Variants in ESR1 observed in about 807,000 individuals in gnomAD.
ESR1 encodes estrogen receptor 1, also known as estrogen receptor.
A neutral mutation model predicts 52.7 loss-of-function variants in ESR1; 12 were observed. That is an observed-to-expected ratio of 0.23 (90% confidence interval 0.15 to 0.37). ESR1 has a LOEUF of 0.37. Ranked by LOEUF, ESR1 falls within the 10% of genes least tolerant of loss-of-function variation. The pLI is 1.00. For synonymous variants in ESR1, 305 were observed against 316.8 expected (o/e 0.96, Z 0.39); for missense variants, 584 against 779.7 (o/e 0.75, Z 2.99).
intron 6 of ESR1, among the ~76,000 whole-genome samples, chr6:152,078,182 G>A (rs1030041682): frequency 2.1e-4 from 32 of 152,148 alleles, no homozygotes; most frequent in African/African-American, 6.5e-4. Context: ...TAAGTCTCAC[G>A]AGATCTCATG....
At chr6:151,767,707 A>G (rs1433892584) in intron 2 of ESR1, among the ~76,000 whole-genome samples, 1 of 152,228 alleles carries the variant, frequency 6.6e-6, no homozygotes, top group East Asian at 1.9e-4. Context: ...AATTCCAGTT[A>G]AAAGAAAGAT....
intron 6 of ESR1, among the ~76,000 whole-genome samples, chr6:152,087,044 G>A (rs1055288154): frequency 6.6e-6 from 1 of 152,204 alleles, no homozygotes; most frequent in African/African-American, 2.4e-5. Flanking sequence ...GAAGTCTTCA[G>A]TAATGTTGAG....
intron 5 of ESR1, among the ~76,000 whole-genome samples, chr6:152,058,905 A>G (rs922318213): frequency 5.9e-5 from 9 of 152,198 alleles, no homozygotes; most frequent in African/African-American, 2.2e-4. Flanking sequence ...CTTGAGTCCT[A>G]ATCCCCTCAT....
chr6:151,848,019 A>G (rs1042425004), intron 2 of ESR1, among the ~76,000 whole-genome samples: 1 of 102,352 alleles, frequency 9.8e-6, no homozygotes, highest in African/African-American at 3.7e-5. Context: ...CTATAAAGAC[A>G]CATGCACATG....
At chr6:151,790,236 G>A (rs776383293) in intron 2 of ESR1, among the ~76,000 whole-genome samples, 3 of 152,210 alleles carry the variant, frequency 2.0e-5, no homozygotes, top group Non-Finnish European at 2.9e-5. Context: ...TGGCCCACAT[G>A]AGCTCCATTT....
chr6:152,075,722 A>G (rs1272822330), intron 6 of ESR1, among the ~76,000 whole-genome samples: 1 of 152,244 alleles, frequency 6.6e-6, no homozygotes, highest in Non-Finnish European at 1.5e-5. Flanking sequence ...ATTAGTGACT[A>G]TTGCAAAGCT....
chr6:151,685,341 G>C (rs1183951448), intron 1 of ESR1, among the ~76,000 whole-genome samples: 1 of 150,990 alleles, frequency 6.6e-6, no homozygotes, highest in Non-Finnish European at 1.5e-5. Context: ...CACCTTGTTA[G>C]CCAGGATGGT....
chr6:151,694,026 C>A (rs989382451), intron 1 of ESR1, among the ~76,000 whole-genome samples: 1 of 152,204 alleles, frequency 6.6e-6, no homozygotes, highest in Non-Finnish European at 1.5e-5. Context: ...ACTATAGTAG[C>A]ACCTAAGGTT....
chr6:151,830,504 GCT>G (rs151011860), intron 1 of ESR1, among the ~76,000 whole-genome samples: 26 of 150,616 alleles, frequency 1.7e-4, no homozygotes, highest in Admixed American at 7.3e-4. Context: ...TCAAATTGCA[GCT>G]CTCTCTCTCT....
chr6:151,731,650 G>GA (rs1258089273), intron 2 of ESR1, among the ~76,000 whole-genome samples: 1 of 152,114 alleles, frequency 6.6e-6, no homozygotes, highest in Admixed American at 6.5e-5. Flanking sequence ...ACTCATGATG[G>GA]AAAACTGATC....
chr6:151,877,986 T>A (rs916615329), intron 2 of ESR1, among the ~76,000 whole-genome samples: 8 of 151,956 alleles, frequency 5.3e-5, no homozygotes, highest in Non-Finnish European at 1.0e-4. Flanking sequence ...ATATTTAATT[T>A]TTTTTTTTTG....
intron 1 of ESR1, among the ~76,000 whole-genome samples, chr6:151,701,529 C>CAAAAAAA (rs57589542): frequency 2.2e-5 from 2 of 89,400 alleles, no homozygotes; most frequent in African/African-American, 4.7e-5. Flanking sequence ...CACTACATCT[C>CAAAAAAA]AAAAAAAAAA....
At chr6:151,729,189 G>GCCTT (rs1319160015) in intron 2 of ESR1, among the ~76,000 whole-genome samples, 1 of 152,140 alleles carries the variant, frequency 6.6e-6, no homozygotes, top group Non-Finnish European at 1.5e-5. Flanking sequence ...CAGCAAAGAG[G>GCCTT]CCTAGGAGAG....
At chr6:151,998,249 G>A (rs1483102129) in intron 4 of ESR1, among the ~76,000 whole-genome samples, 1 of 152,048 alleles carries the variant, frequency 6.6e-6, no homozygotes, top group African/African-American at 2.4e-5. Flanking sequence ...GGTATTAAAT[G>A]GTTATGTAAA....
intron 1 of ESR1, among the ~76,000 whole-genome samples, chr6:151,809,507 A>G (rs1778454854): frequency 6.6e-6 from 1 of 152,132 alleles, no homozygotes. Flanking sequence ...CTGGGTCCTG[A>G]ATTAGGCATT....
intron 6 of ESR1, among the ~76,000 whole-genome samples, chr6:152,078,235 TTGCTGC>T (rs2048903114): frequency 6.6e-6 from 1 of 152,204 alleles, no homozygotes; most frequent in South Asian, 2.1e-4. Flanking sequence ...TCATTTTCTC[TTGCTGC>T]TGCCATGTAA....
At chr6:152,030,001 A>G (rs2044535161) in intron 5 of ESR1, among the ~76,000 whole-genome samples, 1 of 152,232 alleles carries the variant, frequency 6.6e-6, no homozygotes, top group South Asian at 2.1e-4. Context: ...ATTCTTAAAG[A>G]AAAGAATTTT....
At chr6:151,672,668 T>G (rs1381548901) in intron 1 of ESR1, among the ~76,000 whole-genome samples, 1 of 151,798 alleles carries the variant, frequency 6.6e-6, no homozygotes, top group Non-Finnish European at 1.5e-5. Flanking sequence ...AGACGAGGTT[T>G]CACCATGTTG....
chr6:151,790,584 T>G (rs754145666), intron 2 of ESR1, among the ~76,000 whole-genome samples: 1 of 115,854 alleles, frequency 8.6e-6, no homozygotes, highest in East Asian at 2.0e-4. Flanking sequence ...TTCTTGCTGC[T>G]TTTTTTTTTT....
Sources: gnomAD v4.1 joint callset for allele counts (sites outside exome capture counted in the v4.1 genomes callset) on GRCh38, gnomAD v4.1.1 for gene constraint, MANE v1.5 for transcripts, NCBI Gene and HGNC (gene_info 2026-07-23, HGNC 2026-07-21) for gene names.